The following PLCXD3 variants were observed in gnomAD, a reference collection of about 807,000 sequenced individuals.
PLCXD3 encodes the protein phosphatidylinositol specific phospholipase C X domain containing 3.
In PLCXD3, 19 loss-of-function variants were observed where a neutral mutation model predicts 25.5. The observed-to-expected ratio is 0.75, with a 90% confidence interval of 0.52 to 1.09. PLCXD3 has a LOEUF of 1.09. PLCXD3 is among the 50% of genes least tolerant of loss of function. PLCXD3 has a pLI of 0.00. For missense variants in PLCXD3, 411 were observed against 388.1 expected (o/e 1.06, Z -0.50); for synonymous variants, 174 against 137.6 (o/e 1.26, Z -1.85).
chr5:41,378,820 T>C (rs73077916), intron 2 of PLCXD3, among the ~76,000 whole-genome samples: 5,841 of 152,176 alleles, frequency 0.038, 381 homozygotes, highest in African/African-American at 0.13. Context: ...CCTACTTTAG[T>C]AGTAGGGTAC....
intron 1 of PLCXD3, among the ~76,000 whole-genome samples, chr5:41,438,626 C>G (rs1367250869): frequency 1.3e-5 from 2 of 152,138 alleles, no homozygotes; most frequent in African/African-American, 4.8e-5. Context: ...CCCTTTTCAC[C>G]CAATAAACCC....
At chr5:41,360,258 T>C (rs917449866) in intron 2 of PLCXD3, among the ~76,000 whole-genome samples, 14 of 152,170 alleles carry the variant, frequency 9.2e-5, no homozygotes, top group African/African-American at 3.4e-4. Context: ...TATCAGGATA[T>C]GATGAATCAA....
rs180948310 is a variant in PLCXD3 at position 41,309,618 on chromosome 5, C to T, written c.*3999G>A. 2.5e-4 allele frequency: 38 copies of T among 152,254 alleles called. No individual in the cohort carries two copies. The highest frequency in any genetic ancestry group is 9.1e-4 in the African/African-American group (38 of 41,568). 9.4% of individuals were successfully genotyped at this position (152,254 alleles called of 1,614,324 possible). A position where few individuals can be genotyped will look rare whatever the true frequency, so the allele number is the denominator to read the frequency against. On this transcript the variant is annotated 3_prime_UTR_variant, in exon 3 of 3. Transcript: ENST00000377801. The stretch of plus-strand genomic sequence containing the variant: ...GCATTTCCTGAGACTTCCAACTTTC[C>T]AGTCTGGAATCCTAACAAGGAAGAA...
chr5:41,391,831 G>C (rs1018493110), intron 1 of PLCXD3, among the ~76,000 whole-genome samples: 4 of 152,096 alleles, frequency 2.6e-5, no homozygotes, highest in African/African-American at 9.7e-5. Flanking sequence ...TTCCCTGAAG[G>C]GTGAGTCCCA....
intron 1 of PLCXD3, among the ~76,000 whole-genome samples, chr5:41,386,970 T>C (rs200630813): frequency 7.3e-6 from 1 of 137,730 alleles, no homozygotes; most frequent in Admixed American, 7.2e-5. Context: ...AAATCTTAAC[T>C]TTTTGTTAAG....
At chr5:41,411,647 T>C (rs1746522720) in intron 1 of PLCXD3, among the ~76,000 whole-genome samples, 1 of 152,050 alleles carries the variant, frequency 6.6e-6, no homozygotes, top group African/African-American at 2.4e-5. Flanking sequence ...ATCACCTTCA[T>C]GCTACATGAT....
chr5:41,460,865 TTTC>T (rs1230690080), intron 1 of PLCXD3, among the ~76,000 whole-genome samples: 4 of 152,018 alleles, frequency 2.6e-5, no homozygotes, highest in African/African-American at 9.7e-5. Context: ...GTGAATTTTT[TTTC>T]TTATTACTAT....
chr5:41,418,745 T>A lies in PLCXD3; in HGVS notation c.104-36211A>T, dbSNP rs145657614. Among the ~76,000 whole-genome samples the A allele has an allele frequency of 3.5e-4, 53 of 152,294 alleles. No individual in the cohort carries two copies. In the East Asian group the frequency reaches 6.6e-3, roughly 19 times the overall value. On this transcript the variant is annotated intron_variant, in intron 1 of 2. Coordinates refer to ENST00000377801, the MANE Select transcript of PLCXD3 (RefSeq NM_001005473.3). ...CATCCCAGATACCAACTGAAAAAAC[T>A]TTCACTCATAAACTATCCTAATTGT...
intron 1 of PLCXD3, among the ~76,000 whole-genome samples, chr5:41,477,985 T>C (rs1748316940): frequency 6.6e-6 from 1 of 152,178 alleles, no homozygotes; most frequent in African/African-American, 2.4e-5. Context: ...ACATATACTG[T>C]CTAGGAGTAG....
At chr5:41,348,512 G>A (rs1744364199) in intron 2 of PLCXD3, among the ~76,000 whole-genome samples, 1 of 152,130 alleles carries the variant, frequency 6.6e-6, no homozygotes, top group African/African-American at 2.4e-5. Flanking sequence ...TAATTAACAA[G>A]ACAAGGAAGC....
In PLCXD3 at chr5:41,491,185, C is replaced by G. The variant is rs145146043; in HGVS notation, c.103+19239G>C. Among the ~76,000 whole-genome samples, 1,113 of 152,180 alleles carry G rather than the reference C, an allele frequency of 7.3e-3. 12 individuals carry two copies. Among genetic ancestry groups the G allele is most frequent in the African/African-American group, 0.025 (1,035 of 41,534 alleles). On this transcript the variant is annotated intron_variant, in intron 1 of 2. Transcript: ENST00000377801. ...ATATCTTTCTTTCTGCCTTCATTTCCTTATGTACCCAGTAGTCATTCAGGA... is the reference window on the plus strand; with the variant it reads ...ATATCTTTCTTTCTGCCTTCATTTCGTTATGTACCCAGTAGTCATTCAGGA...
intron 1 of PLCXD3, among the ~76,000 whole-genome samples, chr5:41,405,304 T>G (rs899619416): frequency 6.6e-6 from 1 of 152,126 alleles, no homozygotes; most frequent in Admixed American, 6.6e-5. Flanking sequence ...CTTACCCTTT[T>G]GTCTTGCCAT....
At chr5:41,428,037 T>G (rs1374217631) in intron 1 of PLCXD3, among the ~76,000 whole-genome samples, 1 of 152,168 alleles carries the variant, frequency 6.6e-6, no homozygotes, top group Non-Finnish European at 1.5e-5. Flanking sequence ...ATTTCCCACT[T>G]TCTTTGGGAC....
At chr5:41,429,428 TTAA>T (rs1298242643) in intron 1 of PLCXD3, among the ~76,000 whole-genome samples, 2 of 151,762 alleles carry the variant, frequency 1.3e-5, no homozygotes, top group African/African-American at 4.8e-5. Context: ...GAGAGAGACA[TTAA>T]TAATGTTATG....
intron 1 of PLCXD3, among the ~76,000 whole-genome samples, chr5:41,454,193 T>G (rs549538021): frequency 2.2e-4 from 33 of 151,980 alleles, no homozygotes; most frequent in Non-Finnish European, 4.4e-4. Flanking sequence ...GCAGATATAA[T>G]TAGCTTAGAT....
At chr5:41,483,932 T>A (rs945496219) in intron 1 of PLCXD3, among the ~76,000 whole-genome samples, 1 of 152,128 alleles carries the variant, frequency 6.6e-6, no homozygotes, top group Non-Finnish European at 1.5e-5. Flanking sequence ...TTTACTGATC[T>A]TGGTATTCTC....
chr5:41,495,578 G>T (rs185332185), intron 1 of PLCXD3, among the ~76,000 whole-genome samples: 24 of 152,318 alleles, frequency 1.6e-4, no homozygotes, highest in Non-Finnish European at 3.4e-4. Context: ...GTGGTGTGCT[G>T]CTTCTTCAGA....
chr5:41,487,654 A>C (rs1304942819), intron 1 of PLCXD3, among the ~76,000 whole-genome samples: 2 of 152,322 alleles, frequency 1.3e-5, no homozygotes, highest in South Asian at 2.1e-4. Flanking sequence ...AGACTAAATT[A>C]GCTAGCATGG....
intron 1 of PLCXD3, among the ~76,000 whole-genome samples, chr5:41,438,066 G>T (rs1178359871): frequency 6.6e-6 from 1 of 152,086 alleles, no homozygotes; most frequent in African/African-American, 2.4e-5. Flanking sequence ...CTATCCCTGG[G>T]CTTTGGTTTG....
Sources: allele counts gnomAD v4.1 joint callset (sites outside exome capture counted in the v4.1 genomes callset), GRCh38; gene constraint gnomAD v4.1.1; transcripts MANE v1.5; gene names NCBI Gene and HGNC (gene_info 2026-07-23, HGNC 2026-07-21).